KMT2C: variants seen among roughly 807,000 people sequenced by gnomAD.
KMT2C encodes the protein histone-lysine N-methyltransferase 2C.
A neutral mutation model predicts 507.9 loss-of-function variants in KMT2C; 88 were observed. The ratio of observed to expected loss-of-function variants is 0.17; its 90% CI spans 0.15 to 0.21. The LOEUF is 0.21. Ranked by LOEUF, KMT2C falls within the 10% of genes least tolerant of loss-of-function variation. The pLI, the probability that KMT2C is intolerant of heterozygous loss-of-function variation, is 1.00. For missense variants in KMT2C, 4,954 were observed against 5,957.8 expected, an observed-to-expected ratio of 0.83 and a Z score of 5.55; for synonymous variants, 2,049 against 2,080.8, an observed-to-expected ratio of 0.98 and a Z score of 0.42.
chr7:152,211,598 A>C (rs2094455617), intron 23 of KMT2C, among the ~76,000 whole-genome samples: 1 of 152,240 alleles, frequency 6.6e-6, no homozygotes, highest in Admixed American at 6.5e-5. Context: ...TTTATTGATG[A>C]GGTTCATAGT....
chr7:152,411,743 G>C (rs77546301), intron 1 of KMT2C, among the ~76,000 whole-genome samples: 1 of 141,492 alleles, frequency 7.1e-6, no homozygotes, highest in African/African-American at 2.7e-5. Context: ...TAACCCAACA[G>C]GTCCATTTAA....
intron 55 of KMT2C, among the ~76,000 whole-genome samples, chr7:152,142,277 A>G (rs900354000): frequency 6.6e-6 from 1 of 152,252 alleles, no homozygotes; most frequent in Admixed American, 6.5e-5. Flanking sequence ...GATATTTTGT[A>G]GGGGAAAATT....
intron 23 of KMT2C, among the ~76,000 whole-genome samples, chr7:152,215,826 G>A (rs1358000240): frequency 1.3e-5 from 2 of 151,878 alleles, no homozygotes; most frequent in Non-Finnish European, 2.9e-5. Flanking sequence ...TAAACTGGGG[G>A]CATGAAGGCA....
chr7:152,169,118 A>G (rs2092851518), intron 41 of KMT2C, 68 bp downstream of exon 41: 3 of 1,008,598 alleles, frequency 3.0e-6, no homozygotes, highest in Middle Eastern at 2.1e-4. Flanking sequence ...CTTCAGGTTT[A>G]GAACAGCACA....
chr7:152,198,216 G>A (rs2094021927), intron 27 of KMT2C, among the ~76,000 whole-genome samples: 1 of 152,160 alleles, frequency 6.6e-6, no homozygotes, highest in African/African-American at 2.4e-5. Flanking sequence ...GAACAAACAA[G>A]AAGCATGACC....
chr7:152,160,276 T>C (rs1001738680), intron 43 of KMT2C, among the ~76,000 whole-genome samples: 4 of 152,168 alleles, frequency 2.6e-5, no homozygotes, highest in Non-Finnish European at 5.9e-5. Flanking sequence ...TCAAGGGGTC[T>C]CCAGGGCGGC....
chr7:152,192,547 A>C (rs1243400747), intron 31 of KMT2C, among the ~76,000 whole-genome samples: 1 of 151,972 alleles, frequency 6.6e-6, no homozygotes, highest in Non-Finnish European at 1.5e-5. Context: ...TCTCAGAAAA[A>C]AAAGAAAAAA....
intron 23 of KMT2C, among the ~76,000 whole-genome samples, chr7:152,219,588 A>C (rs2094702174): frequency 6.6e-6 from 1 of 152,056 alleles, no homozygotes; most frequent in African/African-American, 2.4e-5. Flanking sequence ...CCTTAAAAAA[A>C]AAAAACAAAA....
chr7:152,364,692 GATC>G (rs200030616), intron 1 of KMT2C, among the ~76,000 whole-genome samples: 1,725 of 150,586 alleles, frequency 0.011, 33 homozygotes, highest in African/African-American at 0.041. Context: ...GACAAAAGAA[GATC>G]ATTATCCCTA....
chr7:152,336,181 C>T (rs138377060), intron 2 of KMT2C, among the ~76,000 whole-genome samples: 2 of 152,164 alleles, frequency 1.3e-5, no homozygotes, highest in East Asian at 1.9e-4. Flanking sequence ...TCCTAGATAG[C>T]AGTAATTCCT....
At chr7:152,290,234 G>GTGTGTGTGTGTA (rs1303359854) in intron 6 of KMT2C, among the ~76,000 whole-genome samples, 83 of 100,840 alleles carry the variant, frequency 8.2e-4, no homozygotes, top group African/African-American at 4.1e-3. Flanking sequence ...GTGTGTGTGT[G>GTGTGTGTGTGTA]TGTGTGTGTG....
chr7:152,139,871 C>T (rs994427372), intron 55 of KMT2C, 80 bp from the exon 56 acceptor site: 15 of 949,918 alleles, frequency 1.6e-5, no homozygotes, highest in Non-Finnish European at 2.1e-5. Context: ...GTTTCACCCT[C>T]GGGTCTTATT....
At chr7:152,299,659 G>T (rs1327122532) in intron 6 of KMT2C, among the ~76,000 whole-genome samples, 2 of 151,686 alleles carry the variant, frequency 1.3e-5, no homozygotes, top group African/African-American at 2.4e-5. Context: ...GGCAGGTGGG[G>T]GATGCAAGAA....
intron 1 of KMT2C, among the ~76,000 whole-genome samples, chr7:152,390,645 TCAAA>T (rs2097485492): frequency 6.6e-6 from 1 of 152,102 alleles, no homozygotes. Flanking sequence ...ACATTCAAGA[TCAAA>T]CAGATTAAAT....
chr7:152,178,398 GGAT>G (rs1027741033), intron 37 of KMT2C, among the ~76,000 whole-genome samples: 1 of 152,086 alleles, frequency 6.6e-6, no homozygotes, highest in Admixed American at 6.6e-5. Context: ...GCTGATTCGG[GGAT>G]GATGTTTGAA....
At chr7:152,245,894 A>G (rs996129541) in intron 14 of KMT2C, among the ~76,000 whole-genome samples, 4 of 152,184 alleles carry the variant, frequency 2.6e-5, no homozygotes, top group Admixed American at 2.0e-4. Context: ...GCTGGAAACC[A>G]AAGAATCTTG....
intron 16 of KMT2C, among the ~76,000 whole-genome samples, chr7:152,233,417 C>T (rs1475102524): frequency 6.6e-6 from 1 of 152,034 alleles, no homozygotes; most frequent in East Asian, 1.9e-4. Context: ...CTAAACTTCA[C>T]AAGTGTCCCT....
chr7:152,357,150 C>A (rs951630302), intron 2 of KMT2C, among the ~76,000 whole-genome samples: 1 of 151,252 alleles, frequency 6.6e-6, no homozygotes, highest in Non-Finnish European at 1.5e-5. Flanking sequence ...CTGCATGAGC[C>A]CGGCGGGTGG....
chr7:152,368,397 AATG>A (rs2097264587), intron 1 of KMT2C: 3 of 1,129,774 alleles, frequency 2.7e-6, no homozygotes, highest in Admixed American at 2.0e-5. Flanking sequence ...ATGCAGCTAA[AATG>A]AAGAAGATAG....
Sources: allele counts gnomAD v4.1 joint callset (sites outside exome capture counted in the v4.1 genomes callset), GRCh38; gene constraint gnomAD v4.1.1; transcripts MANE v1.5; gene names NCBI Gene and HGNC (gene_info 2026-07-23, HGNC 2026-07-21).